Variants in PHF21A observed in about 807,000 individuals in gnomAD.
The protein encoded by PHF21A is PHD finger protein 21A.
Under a neutral mutation model 82.5 loss-of-function variants are expected in PHF21A, and 11 were observed. The ratio of observed to expected loss-of-function variants is 0.13; its 90% CI spans 0.08 to 0.22. The LOEUF (loss-of-function observed/expected upper bound fraction) is 0.22. Ranked by LOEUF, PHF21A falls within the 10% of genes least tolerant of loss-of-function variation. PHF21A has a pLI of 1.00. For synonymous variants in PHF21A, 297 were observed against 302.8 expected, an observed-to-expected ratio of 0.98 and a Z score of 0.20; for missense variants, 579 against 837.8, an observed-to-expected ratio of 0.69 and a Z score of 3.81.
rs2091230401 is a variant in PHF21A at position 45,945,988 on chromosome 11, T to C, written c.1304A>G (p.Tyr435Cys). Residue 435 changes from tyrosine (Y) to cysteine (C), a missense_variant, in exon 15 of 19, where the codon TAC becomes TGC. Physicochemically the swap from Tyr to Cys is radical, Grantham distance 194. Around this residue, in one of 3 missense-constraint regions of PHF21A, gnomAD observed 410 missense variants for 642.1 expected, o/e 0.64. Coordinates refer to ENST00000676320, the MANE Select transcript of PHF21A (RefSeq NM_001352027.3). ...GTRKRGRPPK[Y>C]NAVLGFGALT... Reference sequence around the variant, plus strand: ...GGCTCCAAACCCCAGCACTGCATTGTATTTTGGAGGACGACCTATATACCA... The same window carrying C: ...GGCTCCAAACCCCAGCACTGCATTGCATTTTGGAGGACGACCTATATACCA... The C allele has an allele frequency of 6.2e-7, 1 of 1,613,730 alleles. No individual in the cohort carries two copies. The highest frequency in any genetic ancestry group is 1.1e-5 in the South Asian group (1 of 91,082).
intron 6 of PHF21A, among the ~76,000 whole-genome samples, chr11:45,981,338 A>T (rs2094271998): frequency 1.4e-5 from 2 of 147,208 alleles, no homozygotes; most frequent in African/African-American, 5.0e-5. Context: ...GTGAGCCAAG[A>T]TCATGCCATT....
At chr11:46,036,300 A>T (rs541020867) in intron 6 of PHF21A, among the ~76,000 whole-genome samples, 1 of 152,230 alleles carries the variant, frequency 6.6e-6, no homozygotes, top group African/African-American at 2.4e-5. Context: ...ACAGTTCAGG[A>T]CATCCTGAGT....
chr11:45,938,802 A>T (rs1290194303), intron 15 of PHF21A, among the ~76,000 whole-genome samples: 3 of 152,024 alleles, frequency 2.0e-5, no homozygotes, highest in African/African-American at 7.2e-5. Flanking sequence ...AACAATAAGA[A>T]GTGAAACTTC....
At chr11:46,017,795 G>C (rs2095546137) in intron 6 of PHF21A, among the ~76,000 whole-genome samples, 1 of 152,046 alleles carries the variant, frequency 6.6e-6, no homozygotes, top group African/African-American at 2.4e-5. Flanking sequence ...ATAAACCAAG[G>C]TTCCACAGAA....
At chr11:46,108,425 C>T (rs2097175186) in intron 1 of PHF21A, among the ~76,000 whole-genome samples, 1 of 151,958 alleles carries the variant, frequency 6.6e-6, no homozygotes, top group African/African-American at 2.4e-5. Flanking sequence ...TCTTACCCAC[C>T]TCTCTTCCTC....
intron 15 of PHF21A, among the ~76,000 whole-genome samples, chr11:45,942,019 TTTAA>T (rs2090445773): frequency 6.6e-6 from 1 of 152,202 alleles, no homozygotes; most frequent in Non-Finnish European, 1.5e-5. Flanking sequence ...AGTGTTATTG[TTTAA>T]TTAATGTTGT....
At chr11:46,099,678 T>A (rs1278870710) in intron 1 of PHF21A, among the ~76,000 whole-genome samples, 1 of 151,992 alleles carries the variant, frequency 6.6e-6, no homozygotes, top group Non-Finnish European at 1.5e-5. Context: ...ACCGAAGAAG[T>A]GAGAAAAAAG....
At chr11:46,111,289 G>A (rs529564751) in intron 1 of PHF21A, among the ~76,000 whole-genome samples, 16 of 151,804 alleles carry the variant, frequency 1.1e-4, no homozygotes, top group Admixed American at 1.0e-3. Flanking sequence ...GGCCAACATG[G>A]TGAAACCCCA....
intron 6 of PHF21A, among the ~76,000 whole-genome samples, chr11:46,073,076 C>G (rs1299098214): frequency 6.6e-6 from 1 of 152,070 alleles, no homozygotes; most frequent in Admixed American, 6.5e-5. Flanking sequence ...CGCCTGTAAT[C>G]CCAGCACTTT....
chr11:46,115,404 C>T (rs1593448860), intron 1 of PHF21A, among the ~76,000 whole-genome samples: 7 of 152,206 alleles, frequency 4.6e-5, no homozygotes, highest in Admixed American at 3.3e-4. Flanking sequence ...AAGAATTATA[C>T]GAAAGCCTAC....
intron 6 of PHF21A, among the ~76,000 whole-genome samples, chr11:45,981,143 T>C (rs1467908677): frequency 6.6e-6 from 1 of 151,996 alleles, no homozygotes; most frequent in East Asian, 1.9e-4. Flanking sequence ...CCCAGCACTT[T>C]AGGAGGCCAA....
chr11:46,015,830 G>A (rs1290048825), intron 6 of PHF21A, among the ~76,000 whole-genome samples: 1 of 152,026 alleles, frequency 6.6e-6, no homozygotes, highest in Non-Finnish European at 1.5e-5. Context: ...ATCTTCTATG[G>A]TAACAATGCC....
At chr11:45,954,877 A>T (rs2092508017) in intron 10 of PHF21A, among the ~76,000 whole-genome samples, 1 of 152,252 alleles carries the variant, frequency 6.6e-6, no homozygotes, top group Non-Finnish European at 1.5e-5. Flanking sequence ...CAAACAAGAC[A>T]TCTAAAGCTC....
intron 10 of PHF21A, among the ~76,000 whole-genome samples, chr11:45,963,264 A>G (rs2093223155): frequency 6.6e-6 from 1 of 151,888 alleles, no homozygotes; most frequent in South Asian, 2.1e-4. Context: ...TACTAAAAAT[A>G]CAAAAATTAG....
chr11:46,115,601 C>T (rs2097279549), intron 1 of PHF21A, among the ~76,000 whole-genome samples: 1 of 151,976 alleles, frequency 6.6e-6, no homozygotes, highest in Admixed American at 6.6e-5. Flanking sequence ...ATTCTTAGGC[C>T]TATAAAAAAA....
intron 16 of PHF21A, 108 bp downstream of exon 16, chr11:45,938,049 C>T (rs2089499270): frequency 6.3e-6 from 6 of 947,526 alleles, no homozygotes; most frequent in Non-Finnish European, 7.9e-6. Context: ...AGCCCGGAGA[C>T]GGACTGGGAG....
chr11:45,951,807 AT>A (rs371914854), intron 11 of PHF21A, among the ~76,000 whole-genome samples: 99 of 124,338 alleles, frequency 8.0e-4, no homozygotes, highest in African/African-American at 1.1e-3. Flanking sequence ...TGTGGAATAA[AT>A]TTTTTTTTTT....
intron 1 of PHF21A, among the ~76,000 whole-genome samples, chr11:46,099,523 GAC>G (rs71038882): frequency 0.012 from 1,701 of 137,644 alleles, 19 homozygotes; most frequent in African/African-American, 0.027. Context: ...AGAAAAATTA[GAC>G]ACACACACAC....
At chr11:46,079,025 A>T (rs931286950) in intron 5 of PHF21A, 109 bp downstream of exon 5, 3 of 624,358 alleles carry the variant, frequency 4.8e-6, no homozygotes, top group Non-Finnish European at 8.2e-6. Flanking sequence ...ATTAGAAATG[A>T]AATAATTCTT....
Sources: allele counts gnomAD v4.1 joint callset (sites outside exome capture counted in the v4.1 genomes callset), GRCh38; gene constraint gnomAD v4.1.1; regional missense constraint gnomAD v4.1.1; transcripts MANE v1.5; gene names NCBI Gene and HGNC (gene_info 2026-07-23, HGNC 2026-07-21).